ZBTB20: variants seen among roughly 807,000 people sequenced by gnomAD.
ZBTB20 encodes zinc finger and BTB domain-containing protein 20.
In ZBTB20, 9 loss-of-function variants were observed where a neutral mutation model predicts 56.9. The ratio of observed to expected loss-of-function variants is 0.16; its 90% CI spans 0.10 to 0.28. ZBTB20 has a LOEUF of 0.28. Ranked by LOEUF, ZBTB20 falls within the 10% of genes least tolerant of loss-of-function variation. ZBTB20 has a pLI of 1.00. For missense variants in ZBTB20, 655 were observed against 1,003.0 expected, an observed-to-expected ratio of 0.65 and a Z score of 4.69; for synonymous variants, 417 against 420.7, an observed-to-expected ratio of 0.99 and a Z score of 0.11.
At chr3:114,783,300 T>A (rs2070250006) in intron 5 of ZBTB20, among the ~76,000 whole-genome samples, 1 of 152,224 alleles carries the variant, frequency 6.6e-6, no homozygotes, top group Non-Finnish European at 1.5e-5. Context: ...TGACCTTGAA[T>A]TTCTTCTGAT....
At chr3:114,782,816 T>G (rs1188720723) in intron 5 of ZBTB20, among the ~76,000 whole-genome samples, 2 of 152,186 alleles carry the variant, frequency 1.3e-5, no homozygotes. Context: ...ATATCCTTAA[T>G]GTAGAAACTG....
At chr3:114,746,056 A>G (rs1419299240) in intron 5 of ZBTB20, among the ~76,000 whole-genome samples, 2 of 152,156 alleles carry the variant, frequency 1.3e-5, no homozygotes, top group Non-Finnish European at 2.9e-5. Context: ...TAACTATTAA[A>G]CCATGTGCGG....
intron 3 of ZBTB20, among the ~76,000 whole-genome samples, chr3:114,910,806 A>G (rs754816254): frequency 7.2e-5 from 11 of 152,018 alleles, no homozygotes; most frequent in Non-Finnish European, 1.5e-4. Flanking sequence ...TGTACTATTT[A>G]CTCATCTTTC....
intron 2 of ZBTB20, among the ~76,000 whole-genome samples, chr3:115,041,014 A>C (rs192601607): frequency 7.0e-4 from 106 of 152,326 alleles, no homozygotes; most frequent in African/African-American, 2.5e-3. Context: ...ATGAAGTAAT[A>C]GACTACTGTA....
At chr3:114,779,426 C>T (rs910616542) in intron 5 of ZBTB20, among the ~76,000 whole-genome samples, 3 of 152,118 alleles carry the variant, frequency 2.0e-5, no homozygotes, top group African/African-American at 7.2e-5. Context: ...AGTTCTATCA[C>T]CCCTGGTAAG....
intron 7 of ZBTB20, among the ~76,000 whole-genome samples, chr3:114,489,877 C>T (rs188631309): frequency 5.3e-5 from 8 of 152,160 alleles, no homozygotes; most frequent in African/African-American, 1.7e-4. Context: ...TAAGCCATCA[C>T]GGCCACCACC....
intron 2 of ZBTB20, among the ~76,000 whole-genome samples, chr3:115,007,319 T>C (rs1426259541): frequency 1.3e-5 from 2 of 151,494 alleles, no homozygotes; most frequent in African/African-American, 2.4e-5. Flanking sequence ...TCCTTTTGAA[T>C]AAGGAGGAAA....
chr3:114,448,716 T>C (rs1478209273), intron 7 of ZBTB20, among the ~76,000 whole-genome samples: 3 of 152,126 alleles, frequency 2.0e-5, no homozygotes, highest in African/African-American at 7.2e-5. Context: ...CAGCAGCATA[T>C]AAGACTTATA....
chr3:114,901,299 G>T (rs1270167329), intron 3 of ZBTB20, among the ~76,000 whole-genome samples: 1 of 152,002 alleles, frequency 6.6e-6, no homozygotes, highest in Non-Finnish European at 1.5e-5. Flanking sequence ...AAAGCAAACG[G>T]ACATGTTTAA....
intron 3 of ZBTB20, among the ~76,000 whole-genome samples, chr3:114,912,131 A>G (rs1386114089): frequency 5.3e-4 from 1 of 1,894 alleles, no homozygotes; most frequent in Non-Finnish European, 4.2e-3. Flanking sequence ...GTGCTAAAAG[A>G]AAAAAAAAAA....
intron 7 of ZBTB20, among the ~76,000 whole-genome samples, chr3:114,462,919 G>A (rs562830415): frequency 3.9e-5 from 6 of 152,066 alleles, no homozygotes; most frequent in African/African-American, 9.7e-5. Flanking sequence ...CTGAGGACTC[G>A]TCCTTCCTCT....
At chr3:114,408,550 C>A (rs932231785) in intron 7 of ZBTB20, among the ~76,000 whole-genome samples, 2 of 151,676 alleles carry the variant, frequency 1.3e-5, no homozygotes, top group African/African-American at 4.8e-5. Context: ...TTGGAACAAT[C>A]GAAAGATTCA....
intron 5 of ZBTB20, among the ~76,000 whole-genome samples, chr3:114,752,164 G>T (rs1053599346): frequency 1.3e-5 from 2 of 152,100 alleles, no homozygotes; most frequent in African/African-American, 4.8e-5. Context: ...AGCACATTGA[G>T]ATATAGAAAT....
At chr3:114,890,908 A>G (rs958790584) in intron 4 of ZBTB20, among the ~76,000 whole-genome samples, 1 of 151,638 alleles carries the variant, frequency 6.6e-6, no homozygotes, top group Non-Finnish European at 1.5e-5. Flanking sequence ...TCCAATCTGA[A>G]CTCACTTGTA....
chr3:114,328,570 C>A lies in ZBTB20; in HGVS notation c.*10435G>T, dbSNP rs544499467. 1.3e-5 allele frequency: 2 copies of A among 151,902 alleles called. No homozygotes were observed. The highest frequency in any genetic ancestry group is 2.9e-5 in the Non-Finnish European group (2 of 67,980). The allele number at this position is 151,902 out of a possible 1,614,324, so 9.4% of individuals were successfully genotyped here. A position where few individuals can be genotyped will look rare whatever the true frequency, so the allele number is the denominator to read the frequency against. On this transcript the variant is annotated 3_prime_UTR_variant, in exon 12 of 12. Transcript: ENST00000675478. ...ACGTGAAGGTAAGGGGAATTAATGA[C>A]CTCAGCTAGTACAGTTGACATTTAA...
chr3:114,656,485 T>C (rs558130796), intron 6 of ZBTB20, among the ~76,000 whole-genome samples: 14 of 152,312 alleles, frequency 9.2e-5, no homozygotes, highest in African/African-American at 3.4e-4. Flanking sequence ...ATGCAAAGTA[T>C]AGTGGACTGG....
intron 6 of ZBTB20, among the ~76,000 whole-genome samples, chr3:114,541,490 T>C (rs952697514): frequency 6.6e-6 from 1 of 152,162 alleles, no homozygotes; most frequent in Non-Finnish European, 1.5e-5. Flanking sequence ...TGATTCTTTT[T>C]TAAACTACAA....
chr3:114,373,410 G>T (rs2083263992), intron 10 of ZBTB20, among the ~76,000 whole-genome samples: 1 of 152,130 alleles, frequency 6.6e-6, no homozygotes, highest in African/African-American at 2.4e-5. Context: ...ATTAAAATGA[G>T]GCAAAGTATA....
chr3:114,678,880 A>C (rs1224674253), intron 6 of ZBTB20, among the ~76,000 whole-genome samples: 1 of 152,218 alleles, frequency 6.6e-6, no homozygotes, highest in Non-Finnish European at 1.5e-5. Context: ...TGATCTGAAA[A>C]GTAGTAAAGG....
Sources: allele counts gnomAD v4.1 joint callset (sites outside exome capture counted in the v4.1 genomes callset), GRCh38; gene constraint gnomAD v4.1.1; transcripts MANE v1.5; gene names NCBI Gene and HGNC (gene_info 2026-07-23, HGNC 2026-07-21).